Variants in BAHD1 observed in about 807,000 individuals in gnomAD.
BAHD1 encodes bromo adjacent homology domain containing 1.
Under a neutral mutation model 63.1 loss-of-function variants are expected in BAHD1, and 20 were observed. The ratio of observed to expected loss-of-function variants is 0.32; its 90% CI spans 0.22 to 0.46. The LOEUF is 0.46. BAHD1 is among the 20% of genes least tolerant of loss of function. BAHD1 has a pLI of 1.00. For missense variants in BAHD1, 939 were observed against 1,071.8 expected (o/e 0.88, Z 1.73); for synonymous variants, 408 against 426.8 (o/e 0.96, Z 0.54).
chr15:40,443,811 GACTTGC>G (rs925976465), intron 1 of BAHD1, among the ~76,000 whole-genome samples: 3 of 152,034 alleles, frequency 2.0e-5, no homozygotes, highest in Non-Finnish European at 4.4e-5. Flanking sequence ...CTTTCTCACA[GACTTGC>G]AATGGCTCCC....
chr15:40,459,351 C>T lies in BAHD1; in HGVS notation c.887C>T (p.Ser296Phe). The change falls in exon 2 of 7, where the codon TCT becomes TTT. Residue 296 changes from serine (S) to phenylalanine (F), a missense_variant. Ser to Phe is a radical substitution (Grantham distance 155). Transcript: ENST00000416165. ...CCTTGTGGGCCATCCGTCCAGCCAT[C>T]TCATCAGCCCCTGAGCAAGGCTCTG... ...ATPCGPSVQP[S>F]HQPLSKALES... 1.2e-6 allele frequency: 2 copies of T among 1,613,046 alleles called. No homozygotes were observed. The highest frequency in any genetic ancestry group is 1.7e-6 in the Non-Finnish European group (2 of 1,179,890).
In BAHD1 at chr15:40,459,015, C is replaced by T; in HGVS notation, c.551C>T (p.Ser184Phe). 5 of 1,593,178 alleles carry T rather than the reference C, an allele frequency of 3.1e-6. No homozygotes were observed. The highest frequency in any genetic ancestry group is 1.1e-5 in the South Asian group (1 of 88,944). ...CTTGGAGGAGGAAGTCGGGACCTGTCTCCAGAGCCAGCACCCGATGAAGGT... is the reference window on the plus strand; with the variant it reads ...CTTGGAGGAGGAAGTCGGGACCTGTTTCCAGAGCCAGCACCCGATGAAGGT... ...GDLGGGSRDL[S>F]PEPAPDEGPR... is the part of the protein sequence containing the mutation. Residue 184 changes from serine (S) to phenylalanine (F), a missense_variant, in exon 2 of 7, where the codon TCT (serine) becomes TTT (phenylalanine). Physicochemically the swap from Ser to Phe is radical, Grantham distance 155. Transcript: ENST00000416165.
upstream of BAHD1, among the ~76,000 whole-genome samples, chr15:40,438,165 G>A (rs979565409): frequency 6.6e-6 from 1 of 150,636 alleles, no homozygotes; most frequent in Non-Finnish European, 1.5e-5. Context: ...CAGTGAAGTG[G>A]GGTGGAGGCA....
chr15:40,465,268 T>C lies in BAHD1; in HGVS notation c.2053-67T>C, dbSNP rs1464039905. The stretch of plus-strand genomic sequence containing the variant: ...AGCAGGCCCAGCAGAGGGGTTAATG[T>C]CTGCCTTGCTCTGGGAATGAGGTGC... On this transcript the variant is annotated intron_variant, in intron 5 of 6. Transcript: ENST00000416165. 4.2e-6 allele frequency: 6 copies of C among 1,436,278 alleles called. No individual in the cohort carries two copies. The African/African-American group carries it at 5.6e-5, about 13-fold the overall frequency. The allele number at this position is 1,436,278 out of a possible 1,614,324, so 89.0% of individuals were successfully genotyped here. A position where few individuals can be genotyped will look rare whatever the true frequency, so the allele number is the denominator to read the frequency against.
intron 1 of BAHD1, among the ~76,000 whole-genome samples, chr15:40,449,613 A>G (rs988081194): frequency 6.6e-6 from 1 of 151,930 alleles, no homozygotes; most frequent in Non-Finnish European, 1.5e-5. Context: ...CAGCCTGGGC[A>G]ACATAGTGAG....
chr15:40,439,480 GC>G (rs879514720), upstream of BAHD1, among the ~76,000 whole-genome samples: 17 of 152,188 alleles, frequency 1.1e-4, no homozygotes, highest in Non-Finnish European at 2.5e-4. Context: ...TGCAGGAGGA[GC>G]CCCTCCGAAG....
Position 40,458,369 on chromosome 15 carries a change from C to G in BAHD1, c.-14-82C>G. 6.7e-7 allele frequency: 1 copy of G among 1,496,096 alleles called. No individual in the cohort carries two copies. Among genetic ancestry groups the G allele is most frequent in the Non-Finnish European group, 8.9e-7 (1 of 1,123,846 alleles). The allele number at this position is 1,496,096 out of a possible 1,614,324, so 92.7% of individuals were successfully genotyped here. A position where few individuals can be genotyped will look rare whatever the true frequency, so the allele number is the denominator to read the frequency against. ...TAGGCCAGGATCACTGCACCTGGGG[C>G]TGGGTAGGCTGCAGTGGGAGAGAAA... On this transcript the variant is annotated intron_variant, in intron 1 of 6. Transcript: ENST00000416165. This position sits in a 1 kb window ranked among gnomAD's most constrained non-coding sequence, Gnocchi z 4.7.
At chr15:40,442,259 C>A (rs1893424850) in intron 1 of BAHD1, among the ~76,000 whole-genome samples, 1 of 151,924 alleles carries the variant, frequency 6.6e-6, no homozygotes, top group South Asian at 2.1e-4. Context: ...GGCACCCACT[C>A]CGAGGGGCGG....
At chr15:40,447,560 G>GAATA (rs145969802) in intron 1 of BAHD1, among the ~76,000 whole-genome samples, 1,474 of 138,792 alleles carry the variant, frequency 0.011, 14 homozygotes, top group African/African-American at 0.025. Flanking sequence ...TCTGTCTCCA[G>GAATA]AATAAATAAA....
intron 1 of BAHD1, among the ~76,000 whole-genome samples, chr15:40,453,210 C>T (rs954157720): frequency 1.3e-5 from 2 of 152,166 alleles, no homozygotes; most frequent in Non-Finnish European, 2.9e-5. Context: ...ATACATTGCT[C>T]AGGAGGGACA....
At chr15:40,455,177 C>T (rs1437428024) in intron 1 of BAHD1, among the ~76,000 whole-genome samples, 1 of 152,080 alleles carries the variant, frequency 6.6e-6, no homozygotes, top group African/African-American at 2.4e-5. Context: ...GTGTTTTTAG[C>T]GAGTGACAGG....
chr15:40,459,612 G>A lies in BAHD1; in HGVS notation c.1148G>A (p.Cys383Tyr). The change falls in exon 2 of 7, where the codon TGT becomes TAT. Residue 383 changes from cysteine to tyrosine, a missense_variant. By Grantham distance (194) the Cys-to-Tyr change is radical (BLOSUM62 -2). Around this residue, in one of 5 missense-constraint regions of BAHD1, gnomAD observed 797 missense variants for 813.3 expected, o/e 0.98. Coordinates refer to ENST00000416165, the MANE Select transcript of BAHD1 (RefSeq NM_014952.5). ...GCACTAGGCAGCTTCTACCTGTACTGTGGCCAAGAGGGGCTGCAGTGTGGG... is the reference window on the plus strand; with the variant it reads ...GCACTAGGCAGCTTCTACCTGTACTATGGCCAAGAGGGGCTGCAGTGTGGG... ...LTALGSFYLY[C>Y]GQEGLQCGGY... 5 of 1,614,186 alleles carry A rather than the reference G, an allele frequency of 3.1e-6. No homozygotes were observed. The highest frequency in any genetic ancestry group is 4.2e-6 in the Non-Finnish European group (5 of 1,180,034).
chr15:40,464,294 T>C, intron 4 of BAHD1, 177 bp from the exon 5 acceptor site: 1 of 662,004 alleles, frequency 1.5e-6, no homozygotes, highest in Non-Finnish European at 2.6e-6. Flanking sequence ...CCCTTCTCCC[T>C]CCATGCCTAA....
intron 1 of BAHD1, among the ~76,000 whole-genome samples, chr15:40,442,055 C>T (rs1306644174): frequency 6.6e-6 from 1 of 152,110 alleles, no homozygotes; most frequent in African/African-American, 2.4e-5. Flanking sequence ...AGTTGTCAGA[C>T]CGCCTCCAAG....
chr15:40,464,203 G>A, intron 4 of BAHD1, 183 bp downstream of exon 4: 1 of 769,478 alleles, frequency 1.3e-6, no homozygotes. Context: ...CTTGTGGCTT[G>A]GGTTGGATCA....
At chr15:40,439,221 T>C (rs1275915263), upstream of BAHD1, among the ~76,000 whole-genome samples, 1 of 152,182 alleles carries the variant, frequency 6.6e-6, no homozygotes, top group Non-Finnish European at 1.5e-5. Context: ...GACATTTCCG[T>C]GCCACAGTTT....
chr15:40,452,130 G>C (rs1372798506), intron 1 of BAHD1, among the ~76,000 whole-genome samples: 4 of 152,262 alleles, frequency 2.6e-5, no homozygotes, highest in African/African-American at 9.6e-5. Context: ...TGTCCAGATG[G>C]ATCAGGCCAA....
rs1893380149 is a variant in BAHD1, at chr15:40,440,986, A to G, written c.-297A>G. ...GGGGGAACCGCGAGCGGCGTAGCGG[A>G]TCCCGGAGCCCGGCCCCCGCCGCCC... is the stretch of plus-strand genomic sequence containing the variant. On this transcript the variant is annotated 5_prime_UTR_variant, in exon 1 of 7. Coordinates refer to ENST00000416165, the MANE Select transcript of BAHD1 (RefSeq NM_014952.5). Among the ~76,000 whole-genome samples the G allele has an allele frequency of 6.6e-6, 1 of 150,682 alleles. No individual in the cohort carries two copies. Among genetic ancestry groups the G allele is most frequent in the South Asian group, 2.1e-4 (1 of 4,836 alleles).
chr15:40,461,557 T>C (rs561238849), intron 2 of BAHD1, among the ~76,000 whole-genome samples: 1 of 152,170 alleles, frequency 6.6e-6, no homozygotes, highest in South Asian at 2.1e-4. Flanking sequence ...GGAGAAATGC[T>C]TGAACCCGAG....
Sources: gnomAD v4.1 joint callset for allele counts (sites outside exome capture counted in the v4.1 genomes callset) on GRCh38, gnomAD v4.1.1 for gene constraint, gnomAD v4.1.1 regional missense constraint, Gnocchi (gnomAD v3.1) non-coding constraint, MANE v1.5 for transcripts, NCBI Gene and HGNC (gene_info 2026-07-23, HGNC 2026-07-21) for gene names.